AKNA: variants seen among roughly 807,000 people sequenced by gnomAD.
The protein encoded by AKNA is microtubule organization protein AKNA.
A neutral mutation model predicts 138.8 loss-of-function variants in AKNA; 67 were observed. The ratio of observed to expected loss-of-function variants is 0.48; its 90% CI spans 0.40 to 0.59. The LOEUF is 0.59. AKNA is among the 20% of genes least tolerant of loss of function. The pLI is 0.00. For missense variants in AKNA, 1,813 were observed against 1,880.4 expected, an observed-to-expected ratio of 0.96 and a Z score of 0.66; for synonymous variants, 737 against 754.4, an observed-to-expected ratio of 0.98 and a Z score of 0.38.
At chr9:114,353,438 A>G (rs1005201656) in intron 14 of AKNA, among the ~76,000 whole-genome samples, 4 of 151,832 alleles carry the variant, frequency 2.6e-5, no homozygotes, top group African/African-American at 9.7e-5. Flanking sequence ...TAATTTTTGT[A>G]TTTTTAGTGG....
At chr9:114,343,965 A>C (rs1437103387) in intron 18 of AKNA, 162 bp from the exon 19 acceptor site, 2 of 621,198 alleles carry the variant, frequency 3.2e-6, no homozygotes, top group East Asian at 5.7e-5. Context: ...CATCATGTGT[A>C]AAATATGTAC....
chr9:114,380,567 T>C (rs1366891309), intron 2 of AKNA, among the ~76,000 whole-genome samples: 1 of 152,214 alleles, frequency 6.6e-6, no homozygotes, highest in Non-Finnish European at 1.5e-5. Context: ...GCTTATACTT[T>C]CCGGTTGTTC....
upstream of AKNA, among the ~76,000 whole-genome samples, chr9:114,389,245 G>C (rs1933558768): frequency 6.6e-6 from 1 of 152,006 alleles, no homozygotes; most frequent in Non-Finnish European, 1.5e-5. Flanking sequence ...AGAAGCAGGA[G>C]CTTCACAGAA....
At chr9:114,367,115 C>T (rs1024000173) in intron 6 of AKNA, among the ~76,000 whole-genome samples, 2 of 152,024 alleles carry the variant, frequency 1.3e-5, no homozygotes. Flanking sequence ...CATGAAGATA[C>T]GAAGACCCTT....
chr9:114,363,208 G>A (rs1053949126), intron 7 of AKNA, among the ~76,000 whole-genome samples: 1 of 152,242 alleles, frequency 6.6e-6, no homozygotes, highest in East Asian at 1.9e-4. Flanking sequence ...GTGGGCCCAG[G>A]CCCTCTGGCC....
intron 11 of AKNA, chr9:114,359,277 C>A: frequency 2.5e-6 from 1 of 396,258 alleles, no homozygotes; most frequent in Non-Finnish European, 4.5e-6. Context: ...CCGTTTTGCT[C>A]AGGCTAGTCT....
chr9:114,344,356 T>A, intron 18 of AKNA: 2 of 154,002 alleles, frequency 1.3e-5, no homozygotes, highest in South Asian at 4.0e-4. Flanking sequence ...CGTGTCGTGC[T>A]CCGCCCAGTG....
In AKNA at chr9:114,336,771, G is replaced by A. The variant is rs1267086831; in HGVS notation, c.*283C>T. On this transcript the variant is annotated 3_prime_UTR_variant, in exon 22 of 22. Transcript: ENST00000374088. ...CTGGAGTTGCACACATGCAGGACCA[G>A]GAGAGACTGCCTGAGGTTCTGCCTG... The A allele has an allele frequency of 5.0e-6, 2 of 399,094 alleles. No individual in the cohort carries two copies. The highest frequency in any genetic ancestry group is 8.9e-6 in the Non-Finnish European group (2 of 225,798). The allele number at this position is 399,094 out of a possible 1,614,324, so 24.7% of individuals were successfully genotyped here.
chr9:114,376,442 T>A (rs763005309), intron 3 of AKNA, 24 bp downstream of exon 3: 2 of 1,611,408 alleles, frequency 1.2e-6, no homozygotes, highest in South Asian at 1.1e-5. Flanking sequence ...TGGTGACACA[T>A]CCACAGCCAT....
At position 114,376,798 on chromosome 9, in the gene AKNA, T is replaced by A; in HGVS notation, c.1009A>T (p.Thr337Ser). 6.2e-7 allele frequency: 1 copy of A among 1,611,812 alleles called. No homozygotes were observed. The highest frequency in any genetic ancestry group is 2.2e-5 in the East Asian group (1 of 44,834). ...TTAGAAGAGGAGCGGCCAGCCAGAG[T>A]GGCTCCCTGTCTGGGCAGCGGCCTG... Reference protein sequence around the residue: ...QGRPLPRQGATLAGRSSSNAP... With the variant: ...QGRPLPRQGASLAGRSSSNAP... The change falls in exon 3 of 22, where the codon ACT (threonine) becomes TCT (serine). Residue 337 changes from threonine to serine, a missense_variant. Thr to Ser is a moderately conservative substitution (Grantham distance 58, BLOSUM62 1). Coordinates refer to ENST00000374088, the MANE Select transcript of AKNA (RefSeq NM_001317950.2).
At chr9:114,352,364 G>A (rs1212425352) in intron 14 of AKNA, among the ~76,000 whole-genome samples, 2 of 152,330 alleles carry the variant, frequency 1.3e-5, no homozygotes, top group Non-Finnish European at 2.9e-5. Flanking sequence ...TTGGGAGGCT[G>A]AGGCGGGCGG....
At chr9:114,362,032 G>T in intron 8 of AKNA, 121 bp from the exon 9 acceptor site, 1 of 971,312 alleles carries the variant, frequency 1.0e-6, no homozygotes, top group African/African-American at 1.6e-5. Flanking sequence ...TTTAATATCA[G>T]CCTTTAGATG....
chr9:114,386,901 G>A (rs1254192162), intron 1 of AKNA, among the ~76,000 whole-genome samples: 5 of 151,906 alleles, frequency 3.3e-5, no homozygotes, highest in African/African-American at 9.7e-5. Context: ...CAGCCTCCCC[G>A]TGCCCTCTGC....
intron 7 of AKNA, among the ~76,000 whole-genome samples, chr9:114,364,260 G>GGA (rs1832175384): frequency 6.6e-6 from 1 of 151,842 alleles, no homozygotes; most frequent in South Asian, 2.1e-4. Flanking sequence ...GTTCCATCCT[G>GGA]GTTAAATGAG....
chr9:114,357,489 A>T (rs895255597), intron 12 of AKNA, among the ~76,000 whole-genome samples: 4 of 151,894 alleles, frequency 2.6e-5, no homozygotes, highest in Non-Finnish European at 4.4e-5. Flanking sequence ...GAGAATCCTG[A>T]CCATGGGCTC....
At position 114,358,096 on chromosome 9, in the gene AKNA, A is replaced by G; in HGVS notation, c.2564T>C (p.Met855Thr). 1 of 1,614,176 alleles carries G rather than the reference A, an allele frequency of 6.2e-7. No homozygotes were observed. Among genetic ancestry groups the G allele is most frequent in the East Asian group, 2.2e-5 (1 of 44,882 alleles). Reference protein sequence around the residue: ...FQASLARDGHMSGLGKAEAAP... With the variant: ...FQASLARDGHTSGLGKAEAAP... ...TGCCTCAGCCTTGCCCAGGCCTGAC[A>G]TGTGCCCGTCTCTAGCCAGGGATGC... Residue 855 changes from methionine (M) to threonine (T), a missense_variant, in exon 12 of 22, where the codon ATG becomes ACG. By Grantham distance (81) the Met-to-Thr change is moderately conservative. Transcript: ENST00000374088.
intron 21 of AKNA, among the ~76,000 whole-genome samples, 178 bp downstream of exon 21, chr9:114,341,355 T>C (rs1207591845): frequency 6.6e-6 from 1 of 152,168 alleles, no homozygotes; most frequent in African/African-American, 2.4e-5. Flanking sequence ...AGTGCCTATA[T>C]GAGTGTTGGC....
chr9:114,376,484 C>G lies in AKNA; in HGVS notation c.1323G>C (p.Glu441Asp), dbSNP rs765616283. The change falls in exon 3 of 22, where the codon GAG becomes GAC. Residue 441 changes from glutamate (E) to aspartate (D), a missense_variant. Coordinates refer to ENST00000374088, the MANE Select transcript of AKNA (RefSeq NM_001317950.2). ...CACTAACCTGGAGCTGATGGACCAG[C>G]TCAGTGGCTTGCTCAGGCGTCTGAA... The part of the protein sequence containing the change: ...QEFQTPEQAT[E>D]LVHQLQEDYH... The G allele has an allele frequency of 1.9e-6, 3 of 1,613,862 alleles. No homozygotes were observed. In the South Asian group the frequency reaches 3.3e-5, roughly 18 times the overall value.
At chr9:114,372,479 T>G (rs1338267505) in intron 4 of AKNA, among the ~76,000 whole-genome samples, 2 of 152,102 alleles carry the variant, frequency 1.3e-5, no homozygotes, top group Admixed American at 1.3e-4. Context: ...ATTCCCTAAC[T>G]CTTACAAAGT....
Sources: allele counts gnomAD v4.1 joint callset (sites outside exome capture counted in the v4.1 genomes callset), GRCh38; gene constraint gnomAD v4.1.1; transcripts MANE v1.5; gene names NCBI Gene and HGNC (gene_info 2026-07-23, HGNC 2026-07-21).